HYCC1: variants seen among roughly 807,000 people sequenced by gnomAD.
The protein encoded by HYCC1 is hyccin PI4KA lipid kinase complex subunit 1, also known as hyccin.
the HYCC1 span, among the ~76,000 whole-genome samples, chr7:22,898,290 T>G: frequency 1.3e-5 from 2 of 152,092 alleles, no homozygotes; most frequent in African/African-American, 4.8e-5. Flanking sequence ...CTCGGCTCAC[T>G]GGAACCTCCA....
the HYCC1 span, chr7:22,936,783 G>C: frequency 6.6e-6 from 1 of 152,160 alleles, no homozygotes; most frequent in Admixed American, 6.6e-5. Context: ...AACCATCTTT[G>C]AGTGAAGCTG....
the HYCC1 span, among the ~76,000 whole-genome samples, chr7:23,006,101 G>A: frequency 6.6e-6 from 1 of 152,172 alleles, no homozygotes; most frequent in African/African-American, 2.4e-5. Flanking sequence ...AGGTTTAAGA[G>A]GGTCAGATTG....
chr7:22,996,720 A>C, the HYCC1 span, among the ~76,000 whole-genome samples: 8 of 152,032 alleles, frequency 5.3e-5, no homozygotes, highest in Non-Finnish European at 7.4e-5. Context: ...TGGCCACAAA[A>C]TGATTTAAAA....
chr7:22,951,440 AATTT>A, the HYCC1 span, among the ~76,000 whole-genome samples: 1 of 151,936 alleles, frequency 6.6e-6, no homozygotes, highest in Non-Finnish European at 1.5e-5. Context: ...TTAAAAATAT[AATTT>A]ATTATTTGTC....
At chr7:22,976,736 T>C in the HYCC1 span, 11 of 1,613,574 alleles carry the variant, frequency 6.8e-6, no homozygotes, top group African/African-American at 1.3e-4. Flanking sequence ...TGAGGTCCAC[T>C]GTATACCACT....
the HYCC1 span, chr7:22,937,038 G>A: frequency 6.6e-6 from 1 of 152,132 alleles, no homozygotes; most frequent in African/African-American, 2.4e-5. Flanking sequence ...TGAAACAAAA[G>A]TCTTAAACTA....
chr7:22,939,127 AAT>A, the HYCC1 span: 2 of 152,206 alleles, frequency 1.3e-5, no homozygotes. Flanking sequence ...TACGTACCAT[AAT>A]TTATCTATTC....
At chr7:23,009,966 G>T in the HYCC1 span, among the ~76,000 whole-genome samples, 411 of 152,226 alleles carry the variant, frequency 2.7e-3, 1 homozygote, top group South Asian at 6.0e-3. Context: ...ATAAGCAATA[G>T]TCAAACTGCT....
chr7:22,952,239 A>G, the HYCC1 span, among the ~76,000 whole-genome samples: 2 of 152,034 alleles, frequency 1.3e-5, no homozygotes, highest in East Asian at 3.8e-4. Context: ...TAAAAAAATA[A>G]GATGGGAAAG....
At chr7:22,983,477 C>T in the HYCC1 span, among the ~76,000 whole-genome samples, 3 of 152,132 alleles carry the variant, frequency 2.0e-5, no homozygotes, top group Non-Finnish European at 2.9e-5. Context: ...TATACTATCC[C>T]CACTGCATGG....
the HYCC1 span, chr7:22,942,231 T>C: frequency 6.6e-6 from 1 of 152,200 alleles, no homozygotes; most frequent in Admixed American, 6.6e-5. Flanking sequence ...TTTAAAAAAA[T>C]GAGTAATATT....
chr7:22,904,870 C>CAA, the HYCC1 span, among the ~76,000 whole-genome samples: 4,839 of 104,840 alleles, frequency 0.046, 116 homozygotes, highest in East Asian at 0.12. Context: ...GACTTTGTCT[C>CAA]AAAAAAAAAA....
chr7:22,938,047 G>C, the HYCC1 span: 1 of 152,122 alleles, frequency 6.6e-6, no homozygotes, highest in Admixed American at 6.5e-5. Context: ...TGTCAATACA[G>C]CTTGGATAAG....
the HYCC1 span, among the ~76,000 whole-genome samples, chr7:22,914,077 C>G: frequency 1.5e-3 from 225 of 152,318 alleles, no homozygotes; most frequent in African/African-American, 5.2e-3. Flanking sequence ...ACAAAGGAGG[C>G]ACATTTTATC....
At chr7:23,005,007 G>A in the HYCC1 span, among the ~76,000 whole-genome samples, 2 of 152,042 alleles carry the variant, frequency 1.3e-5, no homozygotes, top group African/African-American at 2.4e-5. Context: ...GGGTTTCACC[G>A]TGTTAGTCAG....
chr7:22,985,964 T>C, the HYCC1 span, among the ~76,000 whole-genome samples: 40 of 150,446 alleles, frequency 2.7e-4, no homozygotes, highest in East Asian at 7.4e-3. Context: ...AACTATAAAA[T>C]TGAAGAATAA....
At chr7:23,005,121 A>G in the HYCC1 span, among the ~76,000 whole-genome samples, 2 of 152,128 alleles carry the variant, frequency 1.3e-5, no homozygotes, top group African/African-American at 4.8e-5. Flanking sequence ...ACTACTTTCT[A>G]CAAGCAGAGG....
the HYCC1 span, chr7:22,945,956 G>C: frequency 6.2e-7 from 1 of 1,613,876 alleles, no homozygotes; most frequent in Non-Finnish European, 8.5e-7. Context: ...ATCTTTGCAA[G>C]ATTCCCCTGT....
At chr7:22,907,505 C>CAATGAGCCAAATA in the HYCC1 span, among the ~76,000 whole-genome samples, 19 of 152,256 alleles carry the variant, frequency 1.2e-4, 1 homozygote, top group African/African-American at 4.6e-4. Context: ...GTATTAGAGA[C>CAATGAGCCAAATA]TTCAATGAGC....
Sources: gnomAD v4.1 joint callset for allele counts (sites outside exome capture counted in the v4.1 genomes callset) on GRCh38, gnomAD v4.1.1 for gene constraint, MANE v1.5 for transcripts, NCBI Gene and HGNC (gene_info 2026-07-23, HGNC 2026-07-21) for gene names.